Variants in GASK1A observed in about 807,000 individuals in gnomAD.
GASK1A encodes golgi associated kinase 1A.
In GASK1A, 40 loss-of-function variants were observed where a neutral mutation model predicts 41.2. The observed-to-expected ratio is 0.97, with a 90% CI of 0.75 to 1.27. The LOEUF (loss-of-function observed/expected upper bound fraction) is 1.27, where lower values mean the gene tolerates loss of function less well. GASK1A is among the 50% of genes most tolerant of loss of function. The pLI is 0.00. For missense variants in GASK1A, 678 were observed against 745.1 expected (o/e 0.91, Z 1.05); for synonymous variants, 316 against 307.1 (o/e 1.03, Z -0.30).
intron 2 of GASK1A, 75 bp from the exon 3 acceptor site, chr3:43,053,446 C>T (rs2089700145): frequency 1.4e-6 from 2 of 1,454,892 alleles, no homozygotes; most frequent in Non-Finnish European, 1.8e-6. Flanking sequence ...AACAGCAGGT[C>T]AGGTGGCCTC....
chr3:43,044,610 C>A (rs2089653078), intron 2 of GASK1A, among the ~76,000 whole-genome samples: 2 of 152,202 alleles, frequency 1.3e-5, no homozygotes, highest in Admixed American at 6.5e-5. Context: ...ATAGTGGAGG[C>A]AGGATTCATC....
chr3:43,055,823 C>T (rs2089713318), intron 4 of GASK1A: 2 of 478,262 alleles, frequency 4.2e-6, no homozygotes, highest in Non-Finnish European at 7.6e-6. Flanking sequence ...GAGAGCTAGG[C>T]CAGAGAGTCT....
At chr3:43,043,905 T>A (rs1274124253) in intron 2 of GASK1A, among the ~76,000 whole-genome samples, 1 of 152,218 alleles carries the variant, frequency 6.6e-6, no homozygotes, top group Non-Finnish European at 1.5e-5. Flanking sequence ...TTAAACCTAA[T>A]TTCTCTTCTG....
chr3:43,005,052 C>T (rs1313754076), intron 1 of GASK1A, among the ~76,000 whole-genome samples: 1 of 129,850 alleles, frequency 7.7e-6, no homozygotes, highest in African/African-American at 2.6e-5. Context: ...AGCATCTTCT[C>T]TCTCACTGAC....
At chr3:42,994,252 G>A (rs2089357660) in intron 1 of GASK1A, among the ~76,000 whole-genome samples, 1 of 152,148 alleles carries the variant, frequency 6.6e-6, no homozygotes, top group South Asian at 2.1e-4. Flanking sequence ...TAGAGGAGAA[G>A]AAAGGGCAAT....
intron 1 of GASK1A, among the ~76,000 whole-genome samples, chr3:42,982,270 A>G (rs989753793): frequency 3.9e-5 from 6 of 152,232 alleles, no homozygotes; most frequent in African/African-American, 1.4e-4. Flanking sequence ...AATCAGATAT[A>G]TATGTGTTGG....
At chr3:43,019,812 C>T (rs1253732952) in intron 1 of GASK1A, among the ~76,000 whole-genome samples, 1 of 151,720 alleles carries the variant, frequency 6.6e-6, no homozygotes, top group African/African-American at 2.4e-5. Context: ...CTTCCCTCTA[C>T]CCCTTCTCCC....
At chr3:43,026,105 CCGCTTGTCTGCAAAAGA>C (rs2089545737) in intron 1 of GASK1A, among the ~76,000 whole-genome samples, 1 of 152,134 alleles carries the variant, frequency 6.6e-6, no homozygotes, top group South Asian at 2.1e-4. Context: ...TCACCATCCC[CCGCTTGTCTGCAAAAGA>C]GGGTGTGGAA....
chr3:43,043,929 C>A (rs976387280), intron 2 of GASK1A, among the ~76,000 whole-genome samples: 4 of 152,196 alleles, frequency 2.6e-5, no homozygotes, highest in African/African-American at 9.7e-5. Context: ...AAAAAACCAA[C>A]CAGACAGTGT....
rs147456573 is a variant in GASK1A at position 43,023,796 on chromosome 3, T to C, written c.4-8471T>C. On this transcript the variant is annotated intron_variant, in intron 1 of 4. Transcript: ENST00000430121. ...GAGGCTCAGACCTACTGAGCACTGT[T>C]AGTTGCAATGATATTGAATGCCTCT... Among the ~76,000 whole-genome samples the C allele has an allele frequency of 8.6e-4, 131 of 152,298 alleles. 2 individuals carry two copies. The East Asian group carries it at 0.023, about 27-fold the overall frequency.
intron 1 of GASK1A, among the ~76,000 whole-genome samples, chr3:43,008,367 C>T (rs1436915267): frequency 6.6e-6 from 1 of 152,214 alleles, no homozygotes; most frequent in Non-Finnish European, 1.5e-5. Context: ...CACCCCCAGA[C>T]GTGGCTGCCT....
chr3:43,053,879 T>C, intron 3 of GASK1A: 1 of 612,660 alleles, frequency 1.6e-6, no homozygotes, highest in Non-Finnish European at 3.0e-6. Flanking sequence ...GGCTGGAGCC[T>C]TGTTTTCACT....
At chr3:43,046,854 C>T (rs931204914) in intron 2 of GASK1A, among the ~76,000 whole-genome samples, 9 of 152,216 alleles carry the variant, frequency 5.9e-5, no homozygotes, top group African/African-American at 2.2e-4. Context: ...AAGTACAGCT[C>T]AAGCCATTGC....
chr3:43,001,759 TG>T (rs2089410261), intron 1 of GASK1A, among the ~76,000 whole-genome samples: 2 of 152,156 alleles, frequency 1.3e-5, no homozygotes, highest in African/African-American at 2.4e-5. Context: ...CTGCTGGCAC[TG>T]GGGGCCTCTG....
chr3:43,056,159 T>C lies in GASK1A; in HGVS notation c.1518-17T>C. On this transcript the variant is annotated splice_polypyrimidine_tract_variant and intron_variant, in intron 4 of 4. Coordinates refer to ENST00000430121, the MANE Select transcript of GASK1A (RefSeq NM_001129908.3). ...GCTTTTTCTTTCTGTTACGGGGCTC[T>C]GGGGCCTTTGCTCCAGGTTTCCTGA... The C allele has an allele frequency of 6.5e-7, 1 of 1,542,334 alleles. No individual in the cohort carries two copies. Among genetic ancestry groups the C allele is most frequent in the Non-Finnish European group, 8.8e-7 (1 of 1,139,630 alleles).
intron 1 of GASK1A, among the ~76,000 whole-genome samples, chr3:43,031,186 C>A (rs1348773626): frequency 6.6e-6 from 1 of 152,172 alleles, no homozygotes; most frequent in Non-Finnish European, 1.5e-5. Flanking sequence ...TTTTGTCAGT[C>A]ACGTATCTGT....
At chr3:43,005,562 T>C (rs1262791035) in intron 1 of GASK1A, among the ~76,000 whole-genome samples, 1 of 152,170 alleles carries the variant, frequency 6.6e-6, no homozygotes, top group Non-Finnish European at 1.5e-5. Flanking sequence ...ATTGCCCATG[T>C]TCAAGTAAAC....
chr3:42,994,756 A>T (rs1356169120), intron 1 of GASK1A, among the ~76,000 whole-genome samples: 2 of 152,126 alleles, frequency 1.3e-5, no homozygotes, highest in Non-Finnish European at 2.9e-5. Context: ...AATTCTTGGA[A>T]GGCAGCAGCC....
chr3:43,013,285 G>A (rs988266142), intron 1 of GASK1A, among the ~76,000 whole-genome samples: 54 of 147,334 alleles, frequency 3.7e-4, no homozygotes, highest in African/African-American at 1.2e-3. Flanking sequence ...GTGTGAAATC[G>A]CAGGTAGAGG....
Sources: allele counts gnomAD v4.1 joint callset (sites outside exome capture counted in the v4.1 genomes callset), GRCh38; gene constraint gnomAD v4.1.1; transcripts MANE v1.5; gene names NCBI Gene and HGNC (gene_info 2026-07-23, HGNC 2026-07-21).